The following PLXNB2 variants were observed in gnomAD, a reference collection of about 807,000 sequenced individuals.
The protein encoded by PLXNB2 is plexin B2.
A neutral mutation model predicts 202.6 loss-of-function variants in PLXNB2; 85 were observed. The observed-to-expected ratio is 0.42, with a 90% CI of 0.35 to 0.50. The LOEUF (loss-of-function observed/expected upper bound fraction) is 0.50. Among genes scored for constraint, PLXNB2 ranks in the 20% least tolerant of loss-of-function variants. The pLI, the probability that PLXNB2 is intolerant of heterozygous loss-of-function variation, is 0.02. For missense variants in PLXNB2, 2,063 were observed against 2,586.2 expected (o/e 0.80, Z 4.39); for synonymous variants, 1,239 against 1,137.6 (o/e 1.09, Z -1.79).
At chr22:50,306,499 G>A (rs2067886604) in intron 1 of PLXNB2, among the ~76,000 whole-genome samples, 1 of 152,138 alleles carries the variant, frequency 6.6e-6, no homozygotes, top group Admixed American at 6.5e-5. Context: ...CCCACTTCCC[G>A]GCAGCCTCGC....
Position 50,279,031 on chromosome 22 carries a change from G to T in PLXNB2, c.4390-20C>A. 6.3e-7 allele frequency: 1 copy of T among 1,587,946 alleles called. No individual in the cohort carries two copies. The highest frequency in any genetic ancestry group is 8.6e-7 in the Non-Finnish European group (1 of 1,164,752). On this transcript the variant is annotated intron_variant, in intron 27 of 36. Transcript: ENST00000359337. ...CACCGTCTGCCGAGACATCCGGGATGAAGCCCAGTGGGAGGCCCTGCTCTT... is the reference window on the plus strand; with the variant it reads ...CACCGTCTGCCGAGACATCCGGGATTAAGCCCAGTGGGAGGCCCTGCTCTT...
intron 1 of PLXNB2, among the ~76,000 whole-genome samples, chr22:50,296,275 G>A (rs1569180857): frequency 1.3e-5 from 2 of 151,720 alleles, no homozygotes; most frequent in Admixed American, 6.6e-5. Flanking sequence ...AACTGGCCGC[G>A]TGTGGTGGTA....
rs776234564 is a variant in PLXNB2, at chr22:50,289,013, C to T, written c.1198G>A (p.Glu400Lys). The change falls in exon 4 of 37, where the codon GAG becomes AAG. Residue 400 changes from glutamate (E) to lysine (K), a missense_variant. Glu to Lys is a moderately conservative substitution (Grantham distance 56, BLOSUM62 1). This residue lies in a region of PLXNB2 where 1,303 missense variants were observed against 1,476.8 expected (regional missense o/e 0.88). Transcript: ENST00000359337. This position sits in a 1 kb window ranked among gnomAD's most constrained non-coding sequence, Gnocchi z 8.0. ...AGAAAAGCAACAGTGTGGTTGTTCT[C>T]GGCGGCGACCGTCACGGCCGTGAGG... ...LNLTAVTVAA[E>K]NNHTVAFLGT... 1.8e-5 allele frequency: 29 copies of T among 1,610,308 alleles called. No individual in the cohort carries two copies. The highest frequency in any genetic ancestry group is 2.2e-5 in the South Asian group (2 of 91,036).
Position 50,281,758 on chromosome 22 carries a change from T to C in PLXNB2, c.3346-16A>G. On this transcript the variant is annotated splice_polypyrimidine_tract_variant and intron_variant, in intron 20 of 36. Coordinates refer to ENST00000359337, the MANE Select transcript of PLXNB2 (RefSeq NM_012401.4). ...GATTGGTGCCCTGGGGAGGCGGCAG[T>C]GGTCGGGGTGAGGAGGAGGGAACCA... 1 of 1,558,212 alleles carries C rather than the reference T, an allele frequency of 6.4e-7. No individual in the cohort carries two copies. The highest frequency in any genetic ancestry group is 1.2e-5 in the South Asian group (1 of 82,146).
Position 50,277,634 on chromosome 22 carries a change from G to A in PLXNB2, c.5153C>T (p.Thr1718Ile). 3 of 1,606,784 alleles carry A rather than the reference G, an allele frequency of 1.9e-6. No homozygotes were observed. Among genetic ancestry groups the A allele is most frequent in the Non-Finnish European group, 2.6e-6 (3 of 1,175,904 alleles). The change falls in exon 33 of 37, where the codon ACC (threonine) becomes ATC (isoleucine). Residue 1718 changes from threonine (T) to isoleucine (I), a missense_variant. By Grantham distance (89) the Thr-to-Ile change is moderately conservative. This residue lies in a region of PLXNB2 where 760 missense variants were observed against 1,109.4 expected (regional missense o/e 0.69). Transcript: ENST00000359337. ...VDASLSVIAQ[T>I]FMDACTRTEH... ...CGTGCGCGTGCAGGCATCCATGAAG[G>A]TCTGCGCGATGACTGACAGCGAGGC...
At chr22:50,305,735 A>C (rs1313310192) in intron 1 of PLXNB2, among the ~76,000 whole-genome samples, 1 of 152,060 alleles carries the variant, frequency 6.6e-6, no homozygotes, top group Non-Finnish European at 1.5e-5. Context: ...GTGTCCCTGA[A>C]CTTGGGCCTG....
rs1275573264 is a variant in PLXNB2 at position 50,292,997 on chromosome 22, G to A, written c.-14+1722C>T. Among the ~76,000 whole-genome samples the A allele has an allele frequency of 4.6e-5, 7 of 152,312 alleles. No homozygotes were observed. In the Middle Eastern group the frequency reaches 0.01, roughly 222 times the overall value. ...CCAGGTGCCCACGAGCACAGCAGCC[G>A]CTGGGAGAGGTGACCACCCACAGGC... On this transcript the variant is annotated intron_variant, in intron 2 of 36. Coordinates refer to ENST00000359337, the MANE Select transcript of PLXNB2 (RefSeq NM_012401.4).
chr22:50,280,130 G>A, intron 25 of PLXNB2, 59 bp from the exon 26 acceptor site: 2 of 1,401,380 alleles, frequency 1.4e-6, no homozygotes, highest in Non-Finnish European at 2.0e-6. Flanking sequence ...AGGCCCAACT[G>A]ACTCCTCCAA....
At position 50,289,905 on chromosome 22, in the gene PLXNB2, T is replaced by G. The variant is rs1211334712; in HGVS notation, c.680A>C (p.Tyr227Ser). The G allele has an allele frequency of 1.2e-6, 2 of 1,613,038 alleles. No homozygotes were observed. Among genetic ancestry groups the G allele is most frequent in the Non-Finnish European group, 1.7e-6 (2 of 1,180,030 alleles). ...CTGCTGGTTGAAGACAAAGAAGACG[T>G]AGGGGCCGTCCTCGAAGGCCGCCAC... The part of the protein sequence containing the change: ...QFVAAFEDGP[Y>S]VFFVFNQQDK... The change falls in exon 3 of 37, where the codon TAC becomes TCC. Residue 227 changes from tyrosine to serine, a missense_variant. Transcript: ENST00000359337. This position sits in a 1 kb window ranked among gnomAD's most constrained non-coding sequence, Gnocchi z 8.0.
At position 50,282,701 on chromosome 22, in the gene PLXNB2, C is replaced by CTGAGGAGG; in HGVS notation, c.2987+9_2987+10insCCTCCTCA. 6.6e-7 allele frequency: 1 copy of CTGAGGAGG among 1,520,014 alleles called. No homozygotes were observed. Among genetic ancestry groups the CTGAGGAGG allele is most frequent in the Admixed American group, 2.2e-5 (1 of 46,336 alleles). 94.2% of individuals were successfully genotyped at this position (1,520,014 alleles called of 1,614,324 possible). A position where few individuals can be genotyped will look rare whatever the true frequency, so the allele number is the denominator to read the frequency against. On this transcript the variant is annotated intron_variant, in intron 18 of 36. Coordinates refer to ENST00000359337, the MANE Select transcript of PLXNB2 (RefSeq NM_012401.4). ...GGGAGCAGAGGGGGGCGGGGGGACA[C>CTGAGGAGG]CAGCCTCACCTGGCAAAGCTTCGTA...
At chr22:50,275,865 C>T in intron 36 of PLXNB2, 24 bp downstream of exon 36, 1 of 1,610,546 alleles carries the variant, frequency 6.2e-7, no homozygotes, top group Non-Finnish European at 8.5e-7. Flanking sequence ...CCACCTGCCC[C>T]CGCCCCCGGG....
At chr22:50,287,343 G>A (rs1361638200) in intron 7 of PLXNB2, 79 bp from the exon 8 acceptor site, 24 of 1,406,828 alleles carry the variant, frequency 1.7e-5, no homozygotes, top group African/African-American at 2.9e-5. Context: ...ACCTCCCTGC[G>A]TGTGTGGGCG....
Position 50,284,504 on chromosome 22 carries a change from A to T in PLXNB2, c.2181+69T>A. On this transcript the variant is annotated intron_variant, in intron 12 of 36. Coordinates refer to ENST00000359337, the MANE Select transcript of PLXNB2 (RefSeq NM_012401.4). This position sits in a 1 kb window ranked among gnomAD's most constrained non-coding sequence, Gnocchi z 8.0. The stretch of plus-strand genomic sequence containing the variant: ...TGCTGCCCCTCCCCTCACAGTCCTG[A>T]AGGTGACCCCCCACCCCACCCGGGG... 1 of 1,192,996 alleles carries T rather than the reference A, an allele frequency of 8.4e-7. No individual in the cohort carries two copies. Among genetic ancestry groups the T allele is most frequent in the Non-Finnish European group, 1.2e-6 (1 of 823,810 alleles). The allele number at this position is 1,192,996 out of a possible 1,614,324, so 73.9% of individuals were successfully genotyped here.
At chr22:50,303,266 C>T (rs970504735) in intron 1 of PLXNB2, among the ~76,000 whole-genome samples, 1 of 152,238 alleles carries the variant, frequency 6.6e-6, no homozygotes, top group Non-Finnish European at 1.5e-5. Flanking sequence ...CAGCCACCCA[C>T]GCAGCCTGAG....
At position 50,282,724 on chromosome 22, in the gene PLXNB2, G is replaced by A. The variant is rs766283296; in HGVS notation, c.2974C>T (p.Arg992Ter). ...NPVLRAFEPL[R>*]SFASGGRSIN... ...CACCAGCCTCACCTGGCAAAGCTTC[G>A]TAGCGGCTCGAAGGCTCGCAGTACG... The change falls in exon 18 of 37, where the codon CGA (arginine) becomes TGA (stop). Residue 992 changes from arginine (R) to a stop codon, truncating the protein, a stop_gained. Transcript: ENST00000359337. LOFTEE classifies it high-confidence loss of function. 8.1e-6 allele frequency: 13 copies of A among 1,596,540 alleles called. No individual in the cohort carries two copies. The highest frequency in any genetic ancestry group is 1.1e-5 in the Non-Finnish European group (13 of 1,173,060).
intron 24 of PLXNB2, 29 bp from the exon 25 acceptor site, chr22:50,280,699 C>A: frequency 6.3e-7 from 1 of 1,596,802 alleles, no homozygotes; most frequent in Non-Finnish European, 8.5e-7. Context: ...AAAGCCTGCC[C>A]GGCGCCACCT....
Position 50,288,133 on chromosome 22 carries a change from T to C in PLXNB2, c.1381-96A>G. The C allele has an allele frequency of 3.3e-6, 3 of 919,964 alleles. No individual in the cohort carries two copies. Among genetic ancestry groups the C allele is most frequent in the Non-Finnish European group, 5.0e-6 (3 of 597,528 alleles). 57.0% of individuals were successfully genotyped at this position (919,964 alleles called of 1,614,324 possible). A position where few individuals can be genotyped will look rare whatever the true frequency, so the allele number is the denominator to read the frequency against. On this transcript the variant is annotated intron_variant, in intron 5 of 36. Coordinates refer to ENST00000359337, the MANE Select transcript of PLXNB2 (RefSeq NM_012401.4). The surrounding 1 kb of genome is among the most constrained non-coding windows in gnomAD (Gnocchi z 5.0). The stretch of plus-strand genomic sequence containing the variant: ...CCAGACCGCCAGCTTGACCCAGCTC[T>C]GTCCCGGGGCCTCGGGAGCCTCAGA...
Position 50,287,130 on chromosome 22 carries a change from G to A in PLXNB2, c.1743C>T (p.Pro581=), listed in dbSNP as rs775348453. The part of the protein sequence containing the change: ...AVICNSPSSI[P]VTPPGQDHVA... ...CCTCACCCTGGCCTGGCGGTGTGAC[G>A]GGGATGCTGCTTGGGGAGTTGCAGA... Residue 581 remains proline (P), a synonymous_variant, in exon 8 of 37, where the codon CCC becomes CCT. Transcript: ENST00000359337. 57 of 1,531,180 alleles carry A rather than the reference G, an allele frequency of 3.7e-5. 1 individual carries two copies. The highest frequency in any genetic ancestry group is 1.1e-4 in the African/African-American group (8 of 72,542). The allele number at this position is 1,531,180 out of a possible 1,614,324, so 94.8% of individuals were successfully genotyped here.
chr22:50,280,419 C>A, intron 25 of PLXNB2, 70 bp downstream of exon 25: 1 of 1,440,344 alleles, frequency 6.9e-7, no homozygotes, highest in Non-Finnish European at 9.3e-7. Flanking sequence ...GCTGTGCCAC[C>A]CGCCACCAGC....
Sources: gnomAD v4.1 joint callset for allele counts (sites outside exome capture counted in the v4.1 genomes callset) on GRCh38, gnomAD v4.1.1 for gene constraint, gnomAD v4.1.1 regional missense constraint, Gnocchi (gnomAD v3.1) non-coding constraint, MANE v1.5 for transcripts, NCBI Gene and HGNC (gene_info 2026-07-23, HGNC 2026-07-21) for gene names.